ARHGEF7: variants seen among roughly 807,000 people sequenced by gnomAD.
The protein encoded by ARHGEF7 is PAK-interacting exchange factor beta.
Under a neutral mutation model 109.8 loss-of-function variants are expected in ARHGEF7, and 33 were observed. That is an observed-to-expected ratio of 0.30 (90% CI 0.23 to 0.40). The LOEUF is 0.40. Among genes scored for constraint, ARHGEF7 ranks in the 10% least tolerant of loss-of-function variants. The pLI is 1.00. For synonymous variants in ARHGEF7, 458 were observed against 424.6 expected (o/e 1.08, Z -0.97); for missense variants, 938 against 1,098.5 (o/e 0.85, Z 2.07).
At chr13:111,116,821 CATTTT>C (rs967473329) in intron 1 of ARHGEF7, among the ~76,000 whole-genome samples, 5 of 152,134 alleles carry the variant, frequency 3.3e-5, no homozygotes, top group Non-Finnish European at 5.9e-5. Flanking sequence ...GGTCAGAAAA[CATTTT>C]ATTTAATATG....
chr13:111,163,856 A>C (rs764831613), intron 2 of ARHGEF7, among the ~76,000 whole-genome samples: 7 of 152,190 alleles, frequency 4.6e-5, no homozygotes, highest in Non-Finnish European at 1.0e-4. Context: ...TTAATAATGC[A>C]TTCTATTTAA....
intron 12 of ARHGEF7, chr13:111,275,903 A>G (rs775141777): frequency 3.7e-6 from 2 of 542,538 alleles, no homozygotes; most frequent in Non-Finnish European, 6.5e-6. Flanking sequence ...AGCTGAAGTC[A>G]GTGTGGCCCG....
chr13:111,267,998 A>C (rs2091811737), intron 9 of ARHGEF7, among the ~76,000 whole-genome samples: 1 of 152,228 alleles, frequency 6.6e-6, no homozygotes, highest in Admixed American at 6.5e-5. Context: ...TAAAACTGGA[A>C]GTACATGAGT....
intron 2 of ARHGEF7, among the ~76,000 whole-genome samples, chr13:111,175,139 T>C (rs2078012422): frequency 6.6e-6 from 1 of 152,226 alleles, no homozygotes; most frequent in East Asian, 1.9e-4. Context: ...GTAAGCTGCT[T>C]ATTTCTTTTC....
At chr13:111,281,585 C>T (rs1187579208) in intron 15 of ARHGEF7, among the ~76,000 whole-genome samples, 1 of 152,208 alleles carries the variant, frequency 6.6e-6, no homozygotes, top group Non-Finnish European at 1.5e-5. Flanking sequence ...GCTAGCATTT[C>T]ATTTTTAATG....
At chr13:111,124,651 A>T (rs2067436450) in intron 1 of ARHGEF7, among the ~76,000 whole-genome samples, 1 of 152,236 alleles carries the variant, frequency 6.6e-6, no homozygotes, top group African/African-American at 2.4e-5. Flanking sequence ...TGCACTTGCC[A>T]CTGGCTACTG....
intron 1 of ARHGEF7, among the ~76,000 whole-genome samples, chr13:111,141,838 T>C (rs570718113): frequency 6.6e-6 from 1 of 152,336 alleles, no homozygotes; most frequent in African/African-American, 2.4e-5. Context: ...TGGGTAAATA[T>C]AATACCAAGG....
chr13:111,156,738 T>C (rs1038042555), intron 2 of ARHGEF7, among the ~76,000 whole-genome samples: 8 of 152,214 alleles, frequency 5.3e-5, no homozygotes, highest in Non-Finnish European at 8.8e-5. Flanking sequence ...TTGTGAAATA[T>C]GTTGTGGGAT....
At chr13:111,282,323 T>C (rs571887793) in intron 15 of ARHGEF7, among the ~76,000 whole-genome samples, 1 of 152,368 alleles carries the variant, frequency 6.6e-6, no homozygotes, top group African/African-American at 2.4e-5. Flanking sequence ...TTGGCTAATT[T>C]GAGGTCATTA....
At chr13:111,263,587 T>C (rs985909356) in intron 8 of ARHGEF7, among the ~76,000 whole-genome samples, 5 of 152,218 alleles carry the variant, frequency 3.3e-5, no homozygotes, top group Admixed American at 2.6e-4. Flanking sequence ...GTAGCACATA[T>C]CCAATAACTT....
chr13:111,242,521 G>T (rs1036068553), intron 6 of ARHGEF7, among the ~76,000 whole-genome samples: 1 of 152,188 alleles, frequency 6.6e-6, no homozygotes, highest in Non-Finnish European at 1.5e-5. Context: ...GAGACAAATA[G>T]CACATCTTGA....
At chr13:111,189,134 G>A (rs2079570097) in intron 2 of ARHGEF7, among the ~76,000 whole-genome samples, 1 of 152,240 alleles carries the variant, frequency 6.6e-6, no homozygotes, top group Non-Finnish European at 1.5e-5. Context: ...TGGAACACCT[G>A]AAGGCTTCCA....
chr13:111,235,653 C>T (rs1438430775), intron 6 of ARHGEF7, among the ~76,000 whole-genome samples: 2 of 152,164 alleles, frequency 1.3e-5, no homozygotes. Context: ...AGCTAAATGC[C>T]TTGTCCAAGG....
intron 2 of ARHGEF7, among the ~76,000 whole-genome samples, chr13:111,196,290 C>T (rs1205321050): frequency 6.6e-6 from 1 of 152,190 alleles, no homozygotes; most frequent in South Asian, 2.1e-4. Context: ...ATACTGGGGA[C>T]GACTTGCTGA....
chr13:111,225,418 C>T (rs1023045353), intron 5 of ARHGEF7, among the ~76,000 whole-genome samples: 3 of 152,130 alleles, frequency 2.0e-5, no homozygotes, highest in Non-Finnish European at 4.4e-5. Context: ...TCCTCTCCTA[C>T]GTAGCTGCCT....
At chr13:111,254,090 A>C (rs1361055380) in intron 8 of ARHGEF7, among the ~76,000 whole-genome samples, 2 of 152,176 alleles carry the variant, frequency 1.3e-5, no homozygotes, top group African/African-American at 4.8e-5. Flanking sequence ...GGGTGCTATT[A>C]GTTTAGAGGG....
intron 16 of ARHGEF7, among the ~76,000 whole-genome samples, chr13:111,285,317 A>G (rs1862194326): frequency 6.6e-6 from 1 of 152,194 alleles, no homozygotes; most frequent in Non-Finnish European, 1.5e-5. Context: ...GGTTCATTCC[A>G]TAGCACATCT....
intron 2 of ARHGEF7, among the ~76,000 whole-genome samples, chr13:111,168,843 C>T (rs552229461): frequency 3.9e-5 from 6 of 152,290 alleles, no homozygotes; most frequent in African/African-American, 1.2e-4. Flanking sequence ...GATGACTGAT[C>T]GCCAGTGAAG....
chr13:111,167,835 T>G (rs2077251172), intron 2 of ARHGEF7, among the ~76,000 whole-genome samples: 1 of 152,184 alleles, frequency 6.6e-6, no homozygotes, highest in Non-Finnish European at 1.5e-5. Flanking sequence ...CCACTGAGAA[T>G]GTAGTGCCTT....
Sources: allele counts gnomAD v4.1 joint callset (sites outside exome capture counted in the v4.1 genomes callset), GRCh38; gene constraint gnomAD v4.1.1; transcripts MANE v1.5; gene names NCBI Gene and HGNC (gene_info 2026-07-23, HGNC 2026-07-21).